Variants in C1QTNF3 observed in about 807,000 individuals in gnomAD.
C1QTNF3 encodes the protein C1q and TNF related 3, also known as complement C1q tumor necrosis factor-related protein 3.
Under a neutral mutation model 32.6 loss-of-function variants are expected in C1QTNF3, and 26 were observed. That is an observed-to-expected ratio of 0.80 (90% CI 0.58 to 1.11). C1QTNF3 has a LOEUF of 1.11. Ranked by LOEUF, C1QTNF3 falls within the 50% of genes least tolerant of loss-of-function variation. The pLI is 0.00. For synonymous variants in C1QTNF3, 155 were observed against 146.0 expected (o/e 1.06, Z -0.44); for missense variants, 362 against 398.2 (o/e 0.91, Z 0.77).
chr5:34,046,444 G>C (rs1014327870), upstream of C1QTNF3, among the ~76,000 whole-genome samples: 16 of 152,214 alleles, frequency 1.1e-4, no homozygotes, highest in African/African-American at 3.9e-4. Context: ...CTTAGACACA[G>C]AGGCAGACAT....
At chr5:34,164,083 GA>G in the C1QTNF3 span, among the ~76,000 whole-genome samples, 34 of 152,018 alleles carry the variant, frequency 2.2e-4, no homozygotes, top group African/African-American at 8.0e-4. Context: ...TATGAAATGT[GA>G]AAAAAATAGC....
chr5:34,025,993 T>C (rs1279225430), intron 4 of C1QTNF3, among the ~76,000 whole-genome samples: 1 of 152,178 alleles, frequency 6.6e-6, no homozygotes, highest in African/African-American at 2.4e-5. Flanking sequence ...AAAAAATAAA[T>C]CAAGGTGCAC....
the C1QTNF3 span, among the ~76,000 whole-genome samples, chr5:34,139,315 A>G: frequency 6.6e-6 from 1 of 152,052 alleles, no homozygotes; most frequent in Non-Finnish European, 1.5e-5. Flanking sequence ...TAGAATATTA[A>G]AAAATAATTA....
At chr5:34,128,295 G>C in the C1QTNF3 span, among the ~76,000 whole-genome samples, 1 of 152,334 alleles carries the variant, frequency 6.6e-6, no homozygotes, top group South Asian at 2.1e-4. Flanking sequence ...TATCCAGGCA[G>C]AAGTGTGCTG....
chr5:34,218,276 C>T, the C1QTNF3 span: 21 of 151,638 alleles, frequency 1.4e-4, no homozygotes, highest in Non-Finnish European at 2.1e-4. Context: ...AAGATCAAAA[C>T]GTCACCTTTA....
chr5:34,203,239 G>C, the C1QTNF3 span, among the ~76,000 whole-genome samples: 5 of 152,114 alleles, frequency 3.3e-5, no homozygotes, highest in Admixed American at 6.5e-5. Context: ...CAAAGAGACA[G>C]ACAGAAAGAA....
the C1QTNF3 span, among the ~76,000 whole-genome samples, chr5:34,223,343 A>G: frequency 6.6e-6 from 1 of 151,058 alleles, no homozygotes; most frequent in South Asian, 2.1e-4. Flanking sequence ...TACAAAGGAC[A>G]TGAACTCATC....
rs1754233104 is a variant in C1QTNF3 at position 34,017,898 on chromosome 5, TCATGA to T, written c.*2680_*2684del. On this transcript the variant is annotated 3_prime_UTR_variant, in exon 6 of 6. Transcript: ENST00000382065. Reference sequence around the variant, plus strand: ...GTTTATTTTTTTAAAAAGAGAATGCTCATGACATATTATTTGTAATAAAAAAAAAA... The same window carrying T: ...GTTTATTTTTTTAAAAAGAGAATGCTCATATTATTTGTAATAAAAAAAAAA... Among the ~76,000 whole-genome samples, 1 of 148,522 alleles carries T rather than the reference TCATGA, an allele frequency of 6.7e-6. No individual in the cohort carries two copies. The highest frequency in any genetic ancestry group is 1.5e-5 in the Non-Finnish European group (1 of 67,610).
At chr5:34,154,230 G>A in the C1QTNF3 span, among the ~76,000 whole-genome samples, 1 of 152,178 alleles carries the variant, frequency 6.6e-6, no homozygotes, top group African/African-American at 2.4e-5. Context: ...GAAATGGAAA[G>A]TATAACGAGT....
chr5:34,203,152 G>C, the C1QTNF3 span, among the ~76,000 whole-genome samples: 1 of 152,084 alleles, frequency 6.6e-6, no homozygotes, highest in East Asian at 1.9e-4. Context: ...CAAACTCATA[G>C]GTCTTGTAAA....
chr5:34,024,617 T>C (rs1754417310), intron 4 of C1QTNF3, among the ~76,000 whole-genome samples: 1 of 152,200 alleles, frequency 6.6e-6, no homozygotes, highest in African/African-American at 2.4e-5. Context: ...CAACAGGACC[T>C]TGTCACTAAA....
the C1QTNF3 span, among the ~76,000 whole-genome samples, chr5:34,206,903 A>C: frequency 2.0e-5 from 3 of 152,104 alleles, no homozygotes; most frequent in East Asian, 5.8e-4. Flanking sequence ...TTTTGGTTTT[A>C]TTTTTGTGTT....
At chr5:34,158,106 CTTTTTTTTT>C in the C1QTNF3 span, 1 of 131,798 alleles carries the variant, frequency 7.6e-6, no homozygotes, top group African/African-American at 2.8e-5. Flanking sequence ...GGCTGCTTTT[CTTTTTTTTT>C]TTTTTTTTTG....
the C1QTNF3 span, among the ~76,000 whole-genome samples, chr5:34,164,463 A>G: frequency 3.3e-5 from 5 of 151,780 alleles, no homozygotes; most frequent in African/African-American, 7.3e-5. Flanking sequence ...GAAGCAAACA[A>G]GCAAAACAAT....
the C1QTNF3 span, among the ~76,000 whole-genome samples, chr5:34,054,109 G>T: frequency 1.3e-5 from 2 of 152,150 alleles, no homozygotes; most frequent in African/African-American, 4.8e-5. Flanking sequence ...TGCCCAGAAG[G>T]ATGGCTTTCA....
chr5:34,229,875 G>C, the C1QTNF3 span, among the ~76,000 whole-genome samples: 1 of 152,050 alleles, frequency 6.6e-6, no homozygotes, highest in Non-Finnish European at 1.5e-5. Context: ...TCATAAGTGT[G>C]GTGTTCTCAT....
At chr5:34,237,962 G>C in the C1QTNF3 span, among the ~76,000 whole-genome samples, 2 of 152,324 alleles carry the variant, frequency 1.3e-5, no homozygotes, top group African/African-American at 4.8e-5. Flanking sequence ...TATTAGGCTA[G>C]CCACTGGCCA....
At position 34,023,837 on chromosome 5, in the gene C1QTNF3, C is replaced by T. The variant is rs1754399256; in HGVS notation, c.800+72G>A. 2.4e-6 allele frequency: 3 copies of T among 1,240,876 alleles called. No individual in the cohort carries two copies. The South Asian group carries it at 3.7e-5, about 15-fold the overall frequency. 76.9% of individuals were successfully genotyped at this position (1,240,876 alleles called of 1,614,324 possible). A position where few individuals can be genotyped will look rare whatever the true frequency, so the allele number is the denominator to read the frequency against. ...AGGCTCTATTGACTCCTATACGCTT[C>T]CCTGTCATTAGGCATTCCTTGAACA... On this transcript the variant is annotated intron_variant, in intron 5 of 5. Coordinates refer to ENST00000382065, the MANE Select transcript of C1QTNF3 (RefSeq NM_181435.6).
At chr5:34,115,820 A>G in the C1QTNF3 span, among the ~76,000 whole-genome samples, 3 of 151,812 alleles carry the variant, frequency 2.0e-5, no homozygotes, top group Admixed American at 6.6e-5. Context: ...TTTGTTAGAT[A>G]TATCTTAGAT....
Sources: gnomAD v4.1 joint callset for allele counts (sites outside exome capture counted in the v4.1 genomes callset) on GRCh38, gnomAD v4.1.1 for gene constraint, MANE v1.5 for transcripts, NCBI Gene and HGNC (gene_info 2026-07-23, HGNC 2026-07-21) for gene names.